Variants in LRBA observed in about 807,000 individuals in gnomAD.
The protein encoded by LRBA is LPS responsive beige-like anchor protein, also known as lipopolysaccharide-responsive and beige-like anchor protein.
Under a neutral mutation model 330.0 loss-of-function variants are expected in LRBA, and 176 were observed. The observed-to-expected ratio is 0.53, with a 90% confidence interval of 0.47 to 0.60. The LOEUF (loss-of-function observed/expected upper bound fraction) is 0.60. LRBA is among the 20% of genes least tolerant of loss of function. LRBA has a pLI of 0.00. For missense variants in LRBA, 3,259 were observed against 3,444.8 expected, an observed-to-expected ratio of 0.95 and a Z score of 1.35; for synonymous variants, 1,230 against 1,193.0, an observed-to-expected ratio of 1.03 and a Z score of -0.64.
intron 47 of LRBA, among the ~76,000 whole-genome samples, chr4:150,354,846 C>T (rs1417947612): frequency 2.0e-5 from 3 of 151,566 alleles, no homozygotes; most frequent in Non-Finnish European, 2.9e-5. Context: ...TACAGAATAT[C>T]AACAAAGTTT....
intron 37 of LRBA, among the ~76,000 whole-genome samples, chr4:150,658,117 C>T (rs941446515): frequency 1.3e-5 from 2 of 151,954 alleles, no homozygotes; most frequent in African/African-American, 2.4e-5. Flanking sequence ...TGACTAACTA[C>T]GGGACCCTGA....
intron 40 of LRBA, among the ~76,000 whole-genome samples, chr4:150,566,062 T>C (rs1457301191): frequency 2.8e-5 from 2 of 70,574 alleles, no homozygotes; most frequent in Admixed American, 1.6e-4. Flanking sequence ...ATCCTGTCTC[T>C]ACAAAAAAAA....
chr4:150,477,258 C>T (rs892726480), intron 42 of LRBA, among the ~76,000 whole-genome samples: 1 of 152,074 alleles, frequency 6.6e-6, no homozygotes, highest in Non-Finnish European at 1.5e-5. Context: ...GGATTTGTGT[C>T]CCCACCCAAA....
intron 40 of LRBA, chr4:150,579,083 G>C (rs1002311753): frequency 2.8e-6 from 1 of 359,324 alleles, no homozygotes; most frequent in Non-Finnish European, 5.4e-6. Flanking sequence ...CTGAAGACTT[G>C]AAGTGGCTTT....
chr4:150,865,199 GA>G (rs1380003928), intron 22 of LRBA, among the ~76,000 whole-genome samples: 1 of 151,690 alleles, frequency 6.6e-6, no homozygotes, highest in Non-Finnish European at 1.5e-5. Flanking sequence ...CATAGTATGA[GA>G]AAAAAAATCA....
intron 4 of LRBA, among the ~76,000 whole-genome samples, chr4:150,927,916 T>C (rs1734057892): frequency 6.6e-6 from 1 of 152,192 alleles, no homozygotes; most frequent in Non-Finnish European, 1.5e-5. Flanking sequence ...GCTGTTGCTG[T>C]GGGCAATGAT....
intron 40 of LRBA, chr4:150,582,352 C>T (rs912293030): frequency 6.6e-6 from 1 of 151,672 alleles, no homozygotes; most frequent in African/African-American, 2.4e-5. Context: ...GATAACACGA[C>T]CCCCCGAGAA....
intron 2 of LRBA, among the ~76,000 whole-genome samples, chr4:150,998,164 C>T (rs1356605900): frequency 1.3e-5 from 2 of 151,608 alleles, no homozygotes; most frequent in Non-Finnish European, 2.9e-5. Context: ...CTGGCCTGAC[C>T]AAGATGGAGA....
chr4:150,399,853 G>A (rs548215432), intron 47 of LRBA, among the ~76,000 whole-genome samples: 2 of 152,284 alleles, frequency 1.3e-5, no homozygotes, highest in Admixed American at 6.5e-5. Context: ...TGTGGCGCCT[G>A]TAATGCCAGC....
At chr4:150,998,246 G>C (rs1199282791) in intron 2 of LRBA, among the ~76,000 whole-genome samples, 3 of 151,482 alleles carry the variant, frequency 2.0e-5, no homozygotes, top group African/African-American at 4.9e-5. Flanking sequence ...CCAGCTACTT[G>C]GGAGGCTGAG....
In LRBA at chr4:150,868,061, TTAA is replaced by T; in HGVS notation, c.2573+118_2573+120del. ...TATGTGGTACATTATTTACATACTC[TTAA>T]TAAAAAAAATAGAAAAATCATTTCA... On this transcript the variant is annotated intron_variant, in intron 21 of 56. Transcript: ENST00000651943. 8 of 1,105,874 alleles carry T rather than the reference TTAA, an allele frequency of 7.2e-6. No individual in the cohort carries two copies. The South Asian group carries it at 8.9e-5, about 12-fold the overall frequency. The allele number at this position is 1,105,874 out of a possible 1,614,324, so 68.5% of individuals were successfully genotyped here.
chr4:150,873,811 T>A (rs1319480496), intron 17 of LRBA, among the ~76,000 whole-genome samples: 1 of 152,078 alleles, frequency 6.6e-6, no homozygotes, highest in Non-Finnish European at 1.5e-5. Context: ...TTAGAAAACA[T>A]TCTGAACAAA....
chr4:150,737,247 C>G (rs575816400), intron 35 of LRBA, among the ~76,000 whole-genome samples: 4 of 152,022 alleles, frequency 2.6e-5, no homozygotes, highest in Non-Finnish European at 5.9e-5. Context: ...CCTAAGAATT[C>G]TATCCTCTTC....
chr4:150,632,805 A>T (rs958177027), intron 37 of LRBA, among the ~76,000 whole-genome samples: 1 of 152,208 alleles, frequency 6.6e-6, no homozygotes, highest in Non-Finnish European at 1.5e-5. Context: ...AGCAATTTAT[A>T]CTTGCTGCAT....
At chr4:150,945,026 G>C (rs1736096092) in intron 2 of LRBA, among the ~76,000 whole-genome samples, 1 of 152,164 alleles carries the variant, frequency 6.6e-6, no homozygotes, top group African/African-American at 2.4e-5. Flanking sequence ...ATGTGGAACT[G>C]TGAGTCCATT....
chr4:150,383,967 A>G (rs989172170), intron 47 of LRBA, among the ~76,000 whole-genome samples: 3 of 152,190 alleles, frequency 2.0e-5, no homozygotes, highest in African/African-American at 7.2e-5. Flanking sequence ...TCAAATTATT[A>G]TAATATTCTA....
intron 36 of LRBA, among the ~76,000 whole-genome samples, chr4:150,723,766 A>T (rs1369324068): frequency 6.6e-6 from 1 of 152,218 alleles, no homozygotes; most frequent in East Asian, 1.9e-4. Context: ...TTGGGGTCCC[A>T]AAGTCCAGGC....
At chr4:150,971,048 C>G (rs751024337) in intron 2 of LRBA, among the ~76,000 whole-genome samples, 4 of 152,090 alleles carry the variant, frequency 2.6e-5, no homozygotes, top group Admixed American at 6.5e-5. Flanking sequence ...CAAGATACTG[C>G]CTCTCAAAAA....
intron 5 of LRBA, among the ~76,000 whole-genome samples, chr4:150,920,547 C>T (rs1208994217): frequency 1.3e-5 from 2 of 151,936 alleles, no homozygotes; most frequent in Admixed American, 6.6e-5. Context: ...AAAACTCCAT[C>T]TCAAAATAAA....
Sources: gnomAD v4.1 joint callset for allele counts (sites outside exome capture counted in the v4.1 genomes callset) on GRCh38, gnomAD v4.1.1 for gene constraint, MANE v1.5 for transcripts, NCBI Gene and HGNC (gene_info 2026-07-23, HGNC 2026-07-21) for gene names.